The following C2CD3 variants were observed in gnomAD, a reference collection of about 807,000 sequenced individuals.
C2CD3 encodes the protein C2 domain containing 3 centriole elongation regulator.
Under a neutral mutation model 234.0 loss-of-function variants are expected in C2CD3, and 148 were observed. That is an observed-to-expected ratio of 0.63 (90% CI 0.55 to 0.72). The LOEUF (loss-of-function observed/expected upper bound fraction) is 0.72, where lower values mean the gene tolerates loss of function less well. Ranked by LOEUF, C2CD3 falls within the 30% of genes least tolerant of loss-of-function variation. The probability of loss-of-function intolerance (pLI) is 0.00; values close to 1 mark genes in which losing one functional copy is unlikely to be tolerated. For synonymous variants in C2CD3, 1,000 were observed against 1,035.4 expected (o/e 0.97, Z 0.66); for missense variants, 2,577 against 2,811.5 (o/e 0.92, Z 1.89).
Position 74,042,143 on chromosome 11 carries a change from C to T in C2CD3, c.5571G>A (p.Leu1857=). The change falls in exon 29 of 33, where the codon CTG becomes CTA. Residue 1857 remains leucine, a synonymous_variant. Transcript: ENST00000334126. ...VQNIRRFHES[L]HLQGEAPLPC... is the part of the protein sequence containing the mutation. The stretch of plus-strand genomic sequence containing the variant: ...GCAAGGGTGCCTCTCCCTGAAGATG[C>T]AGGGATTCATGAAACCGGCGAATGT... The T allele has an allele frequency of 6.2e-7, 1 of 1,611,976 alleles. No homozygotes were observed. Among genetic ancestry groups the T allele is most frequent in the Non-Finnish European group, 8.5e-7 (1 of 1,179,842 alleles).
chr11:74,026,843 C>T (rs538619937), intron 32 of C2CD3, among the ~76,000 whole-genome samples: 65 of 151,594 alleles, frequency 4.3e-4, no homozygotes, highest in African/African-American at 1.5e-3. Context: ...TAGTGGTGCA[C>T]GCCTATAGTC....
intron 22 of C2CD3, among the ~76,000 whole-genome samples, chr11:74,082,089 T>C (rs902311720): frequency 1.3e-5 from 2 of 152,048 alleles, no homozygotes; most frequent in Admixed American, 6.6e-5. Flanking sequence ...ATGCTTCCAG[T>C]TCTTGCCCAT....
intron 26 of C2CD3, among the ~76,000 whole-genome samples, chr11:74,053,301 C>T (rs933687992): frequency 6.6e-6 from 1 of 152,164 alleles, no homozygotes; most frequent in Non-Finnish European, 1.5e-5. Flanking sequence ...ACAAGAAAAA[C>T]TGATACGGTA....
intron 3 of C2CD3, chr11:74,142,103 T>C (rs1958067657): frequency 1.3e-5 from 2 of 152,242 alleles, no homozygotes; most frequent in South Asian, 4.1e-4. Context: ...TTTCCATTTC[T>C]CTATCGGCCA....
At chr11:74,124,503 C>T (rs772029437) in intron 7 of C2CD3, among the ~76,000 whole-genome samples, 10 of 152,058 alleles carry the variant, frequency 6.6e-5, no homozygotes, top group African/African-American at 1.4e-4. Context: ...GCCAGTAGCA[C>T]GTTCCCAGTT....
chr11:74,140,636 G>A (rs999876800), intron 3 of C2CD3, among the ~76,000 whole-genome samples: 2 of 152,146 alleles, frequency 1.3e-5, no homozygotes, highest in Non-Finnish European at 2.9e-5. Context: ...CTTGAAGCAC[G>A]GGCTATCTTC....
chr11:74,079,657 T>TACTATGTGTCAGG (rs1212051553), intron 22 of C2CD3, among the ~76,000 whole-genome samples: 7 of 151,894 alleles, frequency 4.6e-5, no homozygotes, highest in African/African-American at 1.5e-4. Context: ...AATCCTTACT[T>TACTATGTGTCAGG]TACAGATGAG....
At chr11:74,015,522 T>C (rs1250084215) in intron 32 of C2CD3, among the ~76,000 whole-genome samples, 1 of 152,214 alleles carries the variant, frequency 6.6e-6, no homozygotes, top group African/African-American at 2.4e-5. Flanking sequence ...AGGTAGATTT[T>C]CTGGGTCATC....
intron 5 of C2CD3, among the ~76,000 whole-genome samples, chr11:74,135,604 G>A (rs960364676): frequency 6.6e-6 from 1 of 152,146 alleles, no homozygotes; most frequent in African/African-American, 2.4e-5. Flanking sequence ...TGAAAATGGG[G>A]AAGAACAGGA....
intron 11 of C2CD3, 38 bp from the exon 12 acceptor site, chr11:74,109,190 C>T: frequency 9.1e-7 from 1 of 1,103,862 alleles, no homozygotes; most frequent in Non-Finnish European, 1.3e-6. Flanking sequence ...TGTCACACCA[C>T]CCAACTGAAG....
chr11:74,037,044 G>A (rs1458163329), intron 30 of C2CD3, among the ~76,000 whole-genome samples: 5 of 152,204 alleles, frequency 3.3e-5, no homozygotes, highest in East Asian at 1.9e-4. Context: ...TGTTAAAAGT[G>A]CAGACTTCTG....
chr11:74,139,173 G>A lies in C2CD3; in HGVS notation c.708-206C>T, dbSNP rs142565650. Among the ~76,000 whole-genome samples the A allele has an allele frequency of 4.1e-4, 62 of 152,296 alleles. 1 individual carries two copies. In the East Asian group the frequency reaches 0.012, roughly 29 times the overall value. On this transcript the variant is annotated intron_variant, in intron 4 of 32. Transcript: ENST00000334126. ...TAGATGCTTTACCTACAGTGAGGGA[G>A]TCATAGCTTAAATGAGACAATAAAA...
At position 74,093,811 on chromosome 11, in the gene C2CD3, T is replaced by C. The variant is rs1955995237; in HGVS notation, c.3344+5A>G. 1 of 1,613,072 alleles carries C rather than the reference T, an allele frequency of 6.2e-7. No homozygotes were observed. Among genetic ancestry groups the C allele is most frequent in the Non-Finnish European group, 8.5e-7 (1 of 1,179,398 alleles). On this transcript the variant is annotated splice_donor_5th_base_variant and intron_variant, in intron 18 of 32. Coordinates refer to ENST00000334126, the MANE Select transcript of C2CD3 (RefSeq NM_001286577.2). The stretch of plus-strand genomic sequence containing the variant: ...AGGCATAGGACTGGGGTCTCCACAC[T>C]GTACCTGCACCAGATTTCAAACTGG...
At chr11:74,096,470 C>T (rs940945241) in intron 16 of C2CD3, among the ~76,000 whole-genome samples, 1 of 144,010 alleles carries the variant, frequency 6.9e-6, no homozygotes, top group South Asian at 2.2e-4. Flanking sequence ...TTGATTCCCT[C>T]GGGCAAAAAA....
chr11:74,103,522 T>C lies in C2CD3; in HGVS notation c.2189A>G (p.Asn730Ser). 2 of 1,614,204 alleles carry C rather than the reference T, an allele frequency of 1.2e-6. No individual in the cohort carries two copies. Among genetic ancestry groups the C allele is most frequent in the Non-Finnish European group, 1.7e-6 (2 of 1,180,034 alleles). Reference protein sequence around the residue: ...YTPLCAPTSPNKALPELNQDM... With the variant: ...YTPLCAPTSPSKALPELNQDM... The stretch of plus-strand genomic sequence containing the variant: ...TTGGTTAAGTTCTGGTAGTGCCTTA[T>C]TTGGACTTGTAGGAGCACAAAGTGG... Residue 730 changes from asparagine (N) to serine (S), a missense_variant, in exon 14 of 33, where the codon AAT (asparagine) becomes AGT (serine). Asn to Ser is a conservative substitution (Grantham distance 46). Transcript: ENST00000334126.
At chr11:74,166,249 G>A (rs894952683) in intron 2 of C2CD3, among the ~76,000 whole-genome samples, 7 of 151,624 alleles carry the variant, frequency 4.6e-5, no homozygotes, top group Non-Finnish European at 7.4e-5. Context: ...AGTGGGAGGC[G>A]GAGCTTGCAG....
rs1432409233 is a variant in C2CD3, at chr11:74,164,094, CCACT to C, written c.326-2542_326-2539del. 4 of 657,962 alleles carry C rather than the reference CCACT, an allele frequency of 6.1e-6. No individual in the cohort carries two copies. The African/African-American group carries it at 7.9e-5, about 13-fold the overall frequency. The allele number at this position is 657,962 out of a possible 1,614,324, so 40.8% of individuals were successfully genotyped here. On this transcript the variant is annotated intron_variant, in intron 2 of 32. Coordinates refer to ENST00000334126, the MANE Select transcript of C2CD3 (RefSeq NM_001286577.2). ...AAGTCCACTACACTTAATTATAAGT[CCACT>C]ACACTATTCATCACTTCTAGGACAA...
chr11:74,041,447 C>T (rs1953051961), intron 29 of C2CD3, among the ~76,000 whole-genome samples: 1 of 152,176 alleles, frequency 6.6e-6, no homozygotes, highest in African/African-American at 2.4e-5. Context: ...TAGGCATTCC[C>T]CTGTCTACTC....
intron 2 of C2CD3, 65 bp from the exon 3 acceptor site, chr11:74,161,621 G>T: frequency 9.0e-7 from 1 of 1,109,418 alleles, no homozygotes; most frequent in Non-Finnish European, 1.3e-6. Flanking sequence ...TTAAGACGTG[G>T]GTAGAGGGGT....
Sources: gnomAD v4.1 joint callset for allele counts (sites outside exome capture counted in the v4.1 genomes callset) on GRCh38, gnomAD v4.1.1 for gene constraint, MANE v1.5 for transcripts, NCBI Gene and HGNC (gene_info 2026-07-23, HGNC 2026-07-21) for gene names.